Variants in MPP7 observed in about 807,000 individuals in gnomAD.
MPP7 encodes the protein MAGUK p55 subfamily member 7.
Under a neutral mutation model 76.5 loss-of-function variants are expected in MPP7, and 60 were observed. The observed-to-expected ratio is 0.78, with a 90% CI of 0.64 to 0.97. MPP7 has a LOEUF of 0.97. Among genes scored for constraint, MPP7 ranks in the 50% least tolerant of loss-of-function variants. MPP7 has a pLI of 0.00. For synonymous variants in MPP7, 237 were observed against 244.5 expected (o/e 0.97, Z 0.29); for missense variants, 641 against 694.0 (o/e 0.92, Z 0.86).
chr10:28,311,943 T>C (rs1478395780), intron 2 of MPP7, among the ~76,000 whole-genome samples: 1 of 152,172 alleles, frequency 6.6e-6, no homozygotes, highest in African/African-American at 2.4e-5. Flanking sequence ...TGCATTTAGC[T>C]TTTTTAAAAA....
At chr10:28,290,153 T>G (rs1051072007) in intron 1 of MPP7, among the ~76,000 whole-genome samples, 3 of 152,194 alleles carry the variant, frequency 2.0e-5, no homozygotes, top group Non-Finnish European at 4.4e-5. Flanking sequence ...ACGCTACTAT[T>G]GATACATACA....
At chr10:28,141,754 T>A (rs1011208614) in intron 5 of MPP7, among the ~76,000 whole-genome samples, 4 of 151,936 alleles carry the variant, frequency 2.6e-5, no homozygotes, top group African/African-American at 9.7e-5. Context: ...TTTAATTGCA[T>A]CCCAATGGTT....
At chr10:28,311,391 A>G (rs1299259672) in intron 2 of MPP7, among the ~76,000 whole-genome samples, 1 of 152,176 alleles carries the variant, frequency 6.6e-6, no homozygotes, top group Non-Finnish European at 1.5e-5. Flanking sequence ...ATACCAATTT[A>G]TATGTGGTCC....
At chr10:28,060,590 T>C (rs7919932) in intron 13 of MPP7, among the ~76,000 whole-genome samples, 29,297 of 151,956 alleles carry the variant, frequency 0.19, 3,490 homozygotes, top group African/African-American at 0.34. Flanking sequence ...GCCCCAAGGG[T>C]GGGAATCCTT....
intron 13 of MPP7, among the ~76,000 whole-genome samples, chr10:28,062,455 C>T (rs947923822): frequency 2.7e-5 from 4 of 149,954 alleles, no homozygotes; most frequent in South Asian, 4.2e-4. Context: ...AAGAAAAATA[C>T]AATAAAATAC....
intron 8 of MPP7, 42 bp from the exon 9 acceptor site, chr10:28,120,710 C>CAAGGAAGAAT (rs1162048840): frequency 2.6e-6 from 4 of 1,514,866 alleles, no homozygotes; most frequent in Non-Finnish European, 3.7e-6. Context: ...AAACCAGACC[C>CAAGGAAGAAT]AAGGAAGAAT....
chr10:28,145,275 A>C (rs1418838156), intron 5 of MPP7, among the ~76,000 whole-genome samples: 3 of 152,190 alleles, frequency 2.0e-5, no homozygotes, highest in African/African-American at 7.2e-5. Context: ...TTTTCAGTCC[A>C]ATGAATTAAG....
chr10:28,117,551 T>C (rs891403938), intron 11 of MPP7, among the ~76,000 whole-genome samples: 5 of 152,108 alleles, frequency 3.3e-5, no homozygotes, highest in African/African-American at 9.7e-5. Flanking sequence ...GTACCAAATA[T>C]TGAAATCCAG....
chr10:28,135,936 G>A (rs969775202), intron 5 of MPP7, among the ~76,000 whole-genome samples: 2 of 152,160 alleles, frequency 1.3e-5, no homozygotes, highest in African/African-American at 4.8e-5. Flanking sequence ...GAGGTGAGTA[G>A]TAGAGACTGA....
chr10:28,188,563 T>C (rs903144795), intron 3 of MPP7, among the ~76,000 whole-genome samples: 1 of 152,144 alleles, frequency 6.6e-6, no homozygotes, highest in Admixed American at 6.6e-5. Context: ...CTGAGGAATA[T>C]GGAGGCCTCT....
intron 5 of MPP7, among the ~76,000 whole-genome samples, chr10:28,143,867 G>C (rs1191824599): frequency 4.3e-4 from 55 of 128,410 alleles, no homozygotes; most frequent in African/African-American, 1.5e-3. Flanking sequence ...GTGTGTGTGT[G>C]TGTGTGTGTG....
At chr10:28,242,209 T>TA (rs1176220077) in intron 1 of MPP7, among the ~76,000 whole-genome samples, 1 of 152,224 alleles carries the variant, frequency 6.6e-6, no homozygotes, top group Non-Finnish European at 1.5e-5. Context: ...ACTACTTTAA[T>TA]AATTATGTTA....
At chr10:28,095,163 C>T (rs968126552) in intron 11 of MPP7, among the ~76,000 whole-genome samples, 1 of 142,566 alleles carries the variant, frequency 7.0e-6, no homozygotes, top group Non-Finnish European at 1.5e-5. Flanking sequence ...TATTTACATA[C>T]ACACATATCT....
Position 28,056,597 on chromosome 10 carries a change from T to C in MPP7, c.1434A>G (p.Glu478=). The C allele has an allele frequency of 6.2e-7, 1 of 1,603,488 alleles. No individual in the cohort carries two copies. The highest frequency in any genetic ancestry group is 1.1e-5 in the South Asian group (1 of 88,594). Residue 478 remains glutamate (E), a synonymous_variant, in exon 16 of 17, where the codon GAA becomes GAG. Transcript: ENST00000683449. ...TTATAAATATCACATAGGGCTTAAA[T>C]TCTAGTGTCCTTAAATGCTTCACTG... ...PHTVKHLRTL[E]FKPYVIFIKP... is the part of the protein sequence containing the mutation.
At chr10:28,156,244 G>T (rs934295048) in intron 3 of MPP7, among the ~76,000 whole-genome samples, 1 of 152,090 alleles carries the variant, frequency 6.6e-6, no homozygotes, top group East Asian at 1.9e-4. Context: ...ATTAACTAGG[G>T]TTACTGTGAG....
chr10:28,068,125 T>C (rs1852066496), intron 13 of MPP7, among the ~76,000 whole-genome samples: 1 of 152,140 alleles, frequency 6.6e-6, no homozygotes, highest in African/African-American at 2.4e-5. Flanking sequence ...CCTGTAAGCT[T>C]AAAAATTATT....
intron 2 of MPP7, among the ~76,000 whole-genome samples, chr10:28,329,630 CAAAAAAAAA>C (rs10547710): frequency 9.4e-6 from 1 of 106,284 alleles, no homozygotes; most frequent in Admixed American, 1.1e-4. Context: ...GACTCCGTCT[CAAAAAAAAA>C]AAAAAAAAAA....
At chr10:28,279,696 C>A (rs7082263) in intron 1 of MPP7, among the ~76,000 whole-genome samples, 4 of 149,618 alleles carry the variant, frequency 2.7e-5, no homozygotes, top group Admixed American at 6.6e-5. Context: ...CAGAGCGAGA[C>A]GCTGTCTCAA....
chr10:28,303,150 T>TAGGCTGCGAAGGCGATAGGC (rs1367455856), upstream of MPP7: 75 of 150,154 alleles, frequency 5.0e-4, no homozygotes, highest in African/African-American at 1.8e-3. Context: ...GGCCTGCTGA[T>TAGGCTGCGAAGGCGATAGGC]AGGCTGCGAA....
Sources: allele counts gnomAD v4.1 joint callset (sites outside exome capture counted in the v4.1 genomes callset), GRCh38; gene constraint gnomAD v4.1.1; transcripts MANE v1.5; gene names NCBI Gene and HGNC (gene_info 2026-07-23, HGNC 2026-07-21).